RAD51B: variants seen among roughly 807,000 people sequenced by gnomAD.
The protein encoded by RAD51B is DNA repair protein RAD51 homolog 2.
Under a neutral mutation model 42.2 loss-of-function variants are expected in RAD51B, and 38 were observed. The ratio of observed to expected loss-of-function variants is 0.90; its 90% CI spans 0.70 to 1.18. The LOEUF is 1.18. Among genes scored for constraint, RAD51B ranks in the 50% most tolerant of loss-of-function variants. RAD51B has a pLI of 0.00. For synonymous variants in RAD51B, 154 were observed against 145.2 expected (o/e 1.06, Z -0.43); for missense variants, 373 against 400.7 (o/e 0.93, Z 0.59).
intron 7 of RAD51B, among the ~76,000 whole-genome samples, chr14:67,945,984 C>T (rs1485036524): frequency 6.6e-6 from 1 of 152,086 alleles, no homozygotes; most frequent in Non-Finnish European, 1.5e-5. Context: ...AAAGTCACTC[C>T]AGTTCAGGAT....
chr14:67,928,837 C>T (rs183187947), intron 7 of RAD51B, among the ~76,000 whole-genome samples: 25 of 151,804 alleles, frequency 1.6e-4, no homozygotes, highest in Non-Finnish European at 2.8e-4. Flanking sequence ...CTTAATAACT[C>T]CTATATTAAT....
At chr14:67,878,265 C>T (rs115319138) in intron 5 of RAD51B, among the ~76,000 whole-genome samples, 3,600 of 152,060 alleles carry the variant, frequency 0.024, 81 homozygotes, top group African/African-American at 0.055. Flanking sequence ...GTCATACTTG[C>T]GGGAAAAAAG....
chr14:68,606,614 C>T (rs944857335), intron 10 of RAD51B, among the ~76,000 whole-genome samples: 2 of 152,086 alleles, frequency 1.3e-5, no homozygotes, highest in African/African-American at 4.8e-5. Context: ...CCATTGGGTT[C>T]CCTGGGGTTC....
At chr14:67,985,428 A>G (rs1033127775) in intron 7 of RAD51B, among the ~76,000 whole-genome samples, 4 of 152,228 alleles carry the variant, frequency 2.6e-5, no homozygotes, top group African/African-American at 4.8e-5. Context: ...CAAGTTCAAT[A>G]TACCATAATC....
At chr14:68,037,699 A>C (rs2076155914) in intron 7 of RAD51B, among the ~76,000 whole-genome samples, 1 of 152,216 alleles carries the variant, frequency 6.6e-6, no homozygotes, top group African/African-American at 2.4e-5. Flanking sequence ...GTGTGCCTCC[A>C]ACATCTCCAG....
intron 7 of RAD51B, among the ~76,000 whole-genome samples, chr14:68,030,395 G>A (rs959867231): frequency 2.6e-5 from 4 of 152,250 alleles, no homozygotes; most frequent in African/African-American, 9.6e-5. Flanking sequence ...CTTTCTGCCG[G>A]TTTTATATCA....
At chr14:68,052,024 T>C (rs1262753129) in intron 7 of RAD51B, among the ~76,000 whole-genome samples, 1 of 152,152 alleles carries the variant, frequency 6.6e-6, no homozygotes, top group Admixed American at 6.6e-5. Context: ...CACCAATAGA[T>C]AGGCACATTA....
chr14:68,236,713 T>A (rs1482295433), intron 7 of RAD51B, among the ~76,000 whole-genome samples: 1 of 152,224 alleles, frequency 6.6e-6, no homozygotes, highest in Admixed American at 6.5e-5. Flanking sequence ...AATCAAAGGC[T>A]AGTAAAACAC....
chr14:68,261,326 A>G (rs569867848), intron 7 of RAD51B, among the ~76,000 whole-genome samples: 20 of 152,212 alleles, frequency 1.3e-4, no homozygotes, highest in Non-Finnish European at 2.4e-4. Flanking sequence ...GTGATTGTGT[A>G]TCTTAAGAGA....
intron 7 of RAD51B, among the ~76,000 whole-genome samples, chr14:68,232,270 T>A (rs1365346466): frequency 6.6e-6 from 1 of 151,974 alleles, no homozygotes; most frequent in Non-Finnish European, 1.5e-5. Context: ...ATTGGAAGAA[T>A]TTGAATAGAT....
chr14:68,515,509 T>C (rs1240737080), intron 10 of RAD51B, among the ~76,000 whole-genome samples: 3 of 146,398 alleles, frequency 2.0e-5, no homozygotes, highest in Non-Finnish European at 4.5e-5. Flanking sequence ...AGTGCAGTGG[T>C]GCAATCACAA....
At chr14:68,205,351 G>T (rs1447417048) in intron 7 of RAD51B, among the ~76,000 whole-genome samples, 1 of 152,154 alleles carries the variant, frequency 6.6e-6, no homozygotes, top group African/African-American at 2.4e-5. Context: ...ATTGTAAAAT[G>T]ATAGATGTTT....
At chr14:68,465,951 A>AAAAATAAAT (rs368641918) in intron 9 of RAD51B, among the ~76,000 whole-genome samples, 1 of 90,458 alleles carries the variant, frequency 1.1e-5, no homozygotes, top group African/African-American at 3.3e-5. Context: ...AAAAAAAAAA[A>AAAAATAAAT]AAATAAATAA....
At chr14:68,633,342 C>A (rs953450854) in intron 10 of RAD51B, among the ~76,000 whole-genome samples, 2 of 152,098 alleles carry the variant, frequency 1.3e-5, no homozygotes. Flanking sequence ...AGAGCTACAA[C>A]GCCAAGGCTC....
At chr14:68,219,498 A>G (rs540174797) in intron 7 of RAD51B, among the ~76,000 whole-genome samples, 2 of 152,264 alleles carry the variant, frequency 1.3e-5, no homozygotes, top group South Asian at 4.2e-4. Flanking sequence ...CAAGACCTGA[A>G]GACAGATCAC....
chr14:68,140,135 G>A (rs146557491), intron 7 of RAD51B, among the ~76,000 whole-genome samples: 48 of 152,274 alleles, frequency 3.2e-4, no homozygotes, highest in African/African-American at 8.2e-4. Context: ...GAGAGGTCAT[G>A]ACAGATAATC....
chr14:67,941,262 C>G (rs1027698870), intron 7 of RAD51B, among the ~76,000 whole-genome samples: 1 of 152,108 alleles, frequency 6.6e-6, no homozygotes, highest in Non-Finnish European at 1.5e-5. Context: ...CCCTTCTGAT[C>G]CCAGCAGAGT....
At chr14:68,522,202 C>T (rs1886630052) in intron 10 of RAD51B, among the ~76,000 whole-genome samples, 1 of 152,158 alleles carries the variant, frequency 6.6e-6, no homozygotes, top group African/African-American at 2.4e-5. Flanking sequence ...TCTGAGATAG[C>T]TCTTACTAGA....
chr14:68,365,025 G>C (rs1192225419), intron 8 of RAD51B, among the ~76,000 whole-genome samples: 1 of 152,146 alleles, frequency 6.6e-6, no homozygotes, highest in Admixed American at 6.5e-5. Context: ...AGGGAGTGAA[G>C]GTTAGCGTGG....
Sources: gnomAD v4.1 joint callset for allele counts (sites outside exome capture counted in the v4.1 genomes callset) on GRCh38, gnomAD v4.1.1 for gene constraint, MANE v1.5 for transcripts, NCBI Gene and HGNC (gene_info 2026-07-23, HGNC 2026-07-21) for gene names.